STOX2: variants seen among roughly 807,000 people sequenced by gnomAD.
STOX2 encodes storkhead box 2, also known as storkhead-box protein 2.
In STOX2, 28 loss-of-function variants were observed where a neutral mutation model predicts 60.9. The ratio of observed to expected loss-of-function variants is 0.46; its 90% CI spans 0.34 to 0.63. The LOEUF (loss-of-function observed/expected upper bound fraction) is 0.63. Ranked by LOEUF, STOX2 falls within the 30% of genes least tolerant of loss-of-function variation. The probability of loss-of-function intolerance (pLI) is 0.01; values close to 1 mark genes in which losing one functional copy is unlikely to be tolerated. For synonymous variants in STOX2, 472 were observed against 463.9 expected (o/e 1.02, Z -0.22); for missense variants, 1,024 against 1,187.7 (o/e 0.86, Z 2.03).
Position 183,847,118 on chromosome 4 carries a change from T to C in STOX2, c.364+49063T>C, listed in dbSNP as rs77309719. Among the ~76,000 whole-genome samples the C allele has an allele frequency of 4.8e-4, 73 of 152,326 alleles. 1 individual carries two copies. In the East Asian group the frequency reaches 7.3e-3, roughly 15 times the overall value. On this transcript the variant is annotated intron_variant, in intron 1 of 2. Coordinates refer to the STOX2 transcript ENST00000513034. ...GTGCTGTGTGTATTAGGTTATGCCT[T>C]CAACCCTCAGCCATACAATTCCCAA... is the stretch of plus-strand genomic sequence containing the variant.
chr4:183,958,883 C>T (rs17363675), intron 1 of STOX2, among the ~76,000 whole-genome samples: 7,042 of 152,026 alleles, frequency 0.046, 223 homozygotes, highest in Non-Finnish European at 0.071. Context: ...GTGATATTGA[C>T]GGTAGACCTG....
At chr4:183,842,602 C>T (rs1232950466) in intron 1 of STOX2, among the ~76,000 whole-genome samples, 1 of 152,122 alleles carries the variant, frequency 6.6e-6, no homozygotes, top group Non-Finnish European at 1.5e-5. Context: ...TGGGGTTAAG[C>T]TGTGGTGGAG....
intron 1 of STOX2, among the ~76,000 whole-genome samples, chr4:183,920,764 T>A (rs997889029): frequency 2.0e-5 from 3 of 152,206 alleles, no homozygotes; most frequent in Non-Finnish European, 4.4e-5. Context: ...GCCATTGTAA[T>A]GCCGTTGTGA....
In STOX2 at chr4:183,852,200, GGAAAGGATGAGA is replaced by G. The variant is rs1560846256; in HGVS notation, c.364+54157_364+54168del. On this transcript the variant is annotated intron_variant, in intron 1 of 2. Coordinates refer to the STOX2 transcript ENST00000513034. ...GGGAAAGGATGAGGGAAAGGATGAGGGAAAGGATGAGAGAAAGGATGAGGGAAAGGATGAGGG... is the reference window on the plus strand; with the variant it reads ...GGGAAAGGATGAGGGAAAGGATGAGGGAAAGGATGAGGGAAAGGATGAGGG... Among the ~76,000 whole-genome samples, 114 of 123,732 alleles carry G rather than the reference GGAAAGGATGAGA, an allele frequency of 9.2e-4. 6 individuals are homozygous for G. Among genetic ancestry groups the G allele is most frequent in the South Asian group, 2.5e-3 (9 of 3,604 alleles). The allele number at this position is 123,732 out of a possible 152,430, so 81.2% of individuals were successfully genotyped here.
intron 2 of STOX2, among the ~76,000 whole-genome samples, chr4:184,007,769 G>C (rs888081010): frequency 6.6e-6 from 1 of 152,178 alleles, no homozygotes; most frequent in Non-Finnish European, 1.5e-5. Context: ...GCCACCTTCT[G>C]TGTGTCTCCT....
intron 1 of STOX2, among the ~76,000 whole-genome samples, chr4:183,830,505 G>A (rs1413757656): frequency 1.3e-5 from 2 of 152,104 alleles, no homozygotes; most frequent in Non-Finnish European, 2.9e-5. Context: ...ATGGTCATGA[G>A]GGTTCTTATC....
intron 1 of STOX2, among the ~76,000 whole-genome samples, chr4:183,982,302 A>G (rs1301341582): frequency 6.6e-6 from 1 of 152,176 alleles, no homozygotes; most frequent in Non-Finnish European, 1.5e-5. Context: ...GCTCTCTAAT[A>G]CTTGTAAGAA....
chr4:184,022,272 T>C lies in STOX2; in HGVS notation c.*4988T>C, dbSNP rs1734620200. ...TATATGAAAACATTCATTATTACAT[T>C]TCCTTGTGTGTTTCAAACAGACATT... is the stretch of plus-strand genomic sequence containing the variant. On this transcript the variant is annotated 3_prime_UTR_variant, in exon 4 of 4. Coordinates refer to ENST00000308497, the MANE Select transcript of STOX2 (RefSeq NM_020225.3). 1 of 152,098 alleles carries C rather than the reference T, an allele frequency of 6.6e-6. No homozygotes were observed. The highest frequency in any genetic ancestry group is 2.4e-5 in the African/African-American group (1 of 41,426). 9.4% of individuals were successfully genotyped at this position (152,098 alleles called of 1,614,324 possible).
At chr4:183,863,439 CT>C in intron 1 of STOX2, among the ~76,000 whole-genome samples, 1 of 152,212 alleles carries the variant, frequency 6.6e-6, no homozygotes, top group African/African-American at 2.4e-5. Context: ...AAAGTCTTCT[CT>C]GTGTGAAAGG....
intron 1 of STOX2, among the ~76,000 whole-genome samples, chr4:183,809,612 T>A (rs1299066317): frequency 6.6e-6 from 1 of 152,158 alleles, no homozygotes; most frequent in Admixed American, 6.5e-5. Flanking sequence ...TTGGCCAGGA[T>A]GGTCTCGATT....
intron 1 of STOX2, among the ~76,000 whole-genome samples, chr4:183,924,012 A>G (rs1579422539): frequency 6.6e-6 from 1 of 152,200 alleles, no homozygotes; most frequent in African/African-American, 2.4e-5. Flanking sequence ...GCCTCATTCC[A>G]AAGTATTTGT....
At chr4:183,908,508 G>A (rs777154194) in intron 1 of STOX2, among the ~76,000 whole-genome samples, 3 of 151,316 alleles carry the variant, frequency 2.0e-5, no homozygotes, top group Non-Finnish European at 4.4e-5. Flanking sequence ...CAACTGTGAA[G>A]CTATAGGAGG....
At chr4:183,958,130 T>C (rs1055809268) in intron 1 of STOX2, among the ~76,000 whole-genome samples, 6 of 151,860 alleles carry the variant, frequency 4.0e-5, no homozygotes, top group African/African-American at 1.5e-4. Flanking sequence ...GGTAGAATAG[T>C]ATTTAGAACC....
rs1579470243 is a variant in STOX2, at chr4:183,959,237, G to GT, written c.167-42087dup. 3.9e-5 allele frequency among the ~76,000 whole-genome samples: 6 copies of GT among 152,200 alleles called. No homozygotes were observed. In the East Asian group the frequency reaches 1.2e-3, roughly 29 times the overall value. ...CTTTCTACTCTGTTAAATGTGTTATGTGGAAATCTGAAATCTGAAGACAAA... is the reference window on the plus strand; with the variant it reads ...CTTTCTACTCTGTTAAATGTGTTATGTTGGAAATCTGAAATCTGAAGACAAA... On this transcript the variant is annotated intron_variant, in intron 1 of 3. Coordinates refer to ENST00000308497, the MANE Select transcript of STOX2 (RefSeq NM_020225.3).
chr4:183,929,002 G>A (rs916888421), intron 1 of STOX2, among the ~76,000 whole-genome samples: 7 of 152,172 alleles, frequency 4.6e-5, no homozygotes, highest in South Asian at 2.1e-4. Flanking sequence ...CACAAGCCCC[G>A]AAAGCGTAAC....
chr4:183,928,654 C>T (rs936977726), intron 1 of STOX2, among the ~76,000 whole-genome samples: 3 of 152,156 alleles, frequency 2.0e-5, no homozygotes, highest in Non-Finnish European at 4.4e-5. Context: ...GCCTGGCACT[C>T]TTGCCAACCC....
chr4:183,798,182 C>T (rs1489976195), intron 1 of STOX2: 26 of 946,818 alleles, frequency 2.7e-5, no homozygotes, highest in Non-Finnish European at 3.5e-5. Context: ...TGGGTGCCCG[C>T]GTCCCTGCCG....
In STOX2 at chr4:184,007,842, C is replaced by T. The variant is rs563859655; in HGVS notation, c.320-1316C>T. Among the ~76,000 whole-genome samples the T allele has an allele frequency of 1.1e-3, 167 of 152,248 alleles. 2 individuals carry two copies. Among genetic ancestry groups the T allele is most frequent in the African/African-American group, 3.8e-3 (158 of 41,548 alleles). ...TTCCCCTTTTCAGAAGGACATCAGT[C>T]GTATTCGATTAGAGACCGCTCTAAC... On this transcript the variant is annotated intron_variant, in intron 2 of 3. Coordinates refer to ENST00000308497, the MANE Select transcript of STOX2 (RefSeq NM_020225.3).
intron 1 of STOX2, among the ~76,000 whole-genome samples, chr4:183,813,932 C>T (rs1202207104): frequency 6.6e-5 from 10 of 152,172 alleles, no homozygotes; most frequent in African/African-American, 1.9e-4. Context: ...AGAAAGCCAT[C>T]TAAATGTTCA....
Sources: gnomAD v4.1 joint callset for allele counts (sites outside exome capture counted in the v4.1 genomes callset) on GRCh38, gnomAD v4.1.1 for gene constraint, MANE v1.5 for transcripts, NCBI Gene and HGNC (gene_info 2026-07-23, HGNC 2026-07-21) for gene names.